ABHD18: variants seen among roughly 807,000 people sequenced by gnomAD.
The protein encoded by ABHD18 is cardiolipin-specific deacylase, mitochondrial.
A neutral mutation model predicts 65.9 loss-of-function variants in ABHD18; 55 were observed. The ratio of observed to expected loss-of-function variants is 0.84; its 90% CI spans 0.67 to 1.05. The LOEUF is 1.05. Among genes scored for constraint, ABHD18 ranks in the 50% least tolerant of loss-of-function variants. The pLI is 0.00. For synonymous variants in ABHD18, 181 were observed against 180.2 expected (o/e 1.00, Z -0.04); for missense variants, 533 against 558.5 (o/e 0.95, Z 0.46).
intron 3 of ABHD18, among the ~76,000 whole-genome samples, chr4:127,987,486 G>T (rs1297006915): frequency 1.3e-5 from 2 of 152,044 alleles, no homozygotes; most frequent in African/African-American, 4.8e-5. Flanking sequence ...GAGGAGCATG[G>T]ATCACTTGAG....
chr4:127,973,817 CAAAAAAAAAA>C (rs57170719), intron 1 of ABHD18, among the ~76,000 whole-genome samples: 19 of 16,610 alleles, frequency 1.1e-3, no homozygotes, highest in Admixed American at 1.5e-3. Context: ...TGATGAACAG[CAAAAAAAAAA>C]AAAAAAAAAA....
chr4:127,979,562 A>G (rs142805087), intron 1 of ABHD18, among the ~76,000 whole-genome samples: 5 of 152,134 alleles, frequency 3.3e-5, no homozygotes, highest in African/African-American at 1.2e-4. Context: ...CTCAAAACAA[A>G]ACAAAGAAAC....
chr4:127,996,993 A>G (rs2149101753), intron 4 of ABHD18, among the ~76,000 whole-genome samples: 1 of 152,340 alleles, frequency 6.6e-6, no homozygotes, highest in East Asian at 1.9e-4. Context: ...TTTGTACAAC[A>G]GTGGTCCTGA....
intron 1 of ABHD18, among the ~76,000 whole-genome samples, chr4:127,981,169 T>C (rs903648403): frequency 2.0e-5 from 3 of 152,194 alleles, no homozygotes; most frequent in Non-Finnish European, 4.4e-5. Context: ...GTGGTTTGAC[T>C]TACGATTGTT....
At chr4:128,000,956 A>G (rs1752544708) in intron 4 of ABHD18, among the ~76,000 whole-genome samples, 1 of 152,178 alleles carries the variant, frequency 6.6e-6, no homozygotes, top group Non-Finnish European at 1.5e-5. Context: ...ATTGGTGTAT[A>G]GAAATGTTAC....
At chr4:127,989,948 G>A in intron 4 of ABHD18, 127 bp downstream of exon 4, 1 of 553,650 alleles carries the variant, frequency 1.8e-6, no homozygotes, top group Admixed American at 3.5e-5. Context: ...GGCTGAATTA[G>A]AAGATATTTT....
chr4:128,008,793 G>C (rs1579335744), intron 4 of ABHD18, 127 bp from the exon 5 acceptor site: 2 of 618,282 alleles, frequency 3.2e-6, no homozygotes, highest in South Asian at 2.4e-5. Flanking sequence ...ATTACAATTT[G>C]AATGTTAAAA....
At chr4:128,023,121 A>C (rs1417507062) in intron 10 of ABHD18, among the ~76,000 whole-genome samples, 1 of 152,034 alleles carries the variant, frequency 6.6e-6, no homozygotes, top group Admixed American at 6.6e-5. Flanking sequence ...TGAGACTCTT[A>C]AGAAACTTCA....
At chr4:128,002,700 G>A (rs1220668980) in intron 4 of ABHD18, among the ~76,000 whole-genome samples, 3 of 152,114 alleles carry the variant, frequency 2.0e-5, no homozygotes, top group African/African-American at 7.2e-5. Context: ...CTGGAGTACA[G>A]TGGCGTGATC....
chr4:127,999,408 C>G (rs934559563), intron 4 of ABHD18, among the ~76,000 whole-genome samples: 2 of 152,118 alleles, frequency 1.3e-5, no homozygotes, highest in Non-Finnish European at 2.9e-5. Flanking sequence ...ATTTTTTACT[C>G]TATTTAAAAA....
intron 3 of ABHD18, among the ~76,000 whole-genome samples, chr4:127,984,696 A>T (rs1560839116): frequency 1.3e-5 from 2 of 151,712 alleles, no homozygotes; most frequent in South Asian, 2.1e-4. Flanking sequence ...GTCTCTGCTT[A>T]AAAAAAATAC....
intron 12 of ABHD18, among the ~76,000 whole-genome samples, chr4:128,035,551 G>A (rs149986012): frequency 5.3e-5 from 8 of 152,118 alleles, no homozygotes; most frequent in African/African-American, 1.7e-4. Flanking sequence ...CAGCCTGGGC[G>A]ACAGAGCGAG....
chr4:128,030,664 A>T lies in ABHD18; in HGVS notation c.1335A>T (p.Gly445=), dbSNP rs1013047599. Residue 445 remains glycine (G), a synonymous_variant, in exon 12 of 13, where the codon GGA becomes GGT. Coordinates refer to ENST00000645843, the MANE Select transcript of ABHD18 (RefSeq NM_001358451.3). The part of the protein sequence containing the change: ...GHISAYLFKQ[G]LFRQAIYDAF... ...TTAGTGCTTATCTTTTTAAACAAGGACTCTTCAGGTAAGACGGCTGGTCTA... is the reference window on the plus strand; with the variant it reads ...TTAGTGCTTATCTTTTTAAACAAGGTCTCTTCAGGTAAGACGGCTGGTCTA... 6.3e-7 allele frequency: 1 copy of T among 1,588,808 alleles called. No individual in the cohort carries two copies. Among genetic ancestry groups the T allele is most frequent in the South Asian group, 1.2e-5 (1 of 85,654 alleles).
At chr4:127,997,882 T>G (rs187730224) in intron 4 of ABHD18, among the ~76,000 whole-genome samples, 3 of 150,628 alleles carry the variant, frequency 2.0e-5, no homozygotes. Flanking sequence ...CTCCTCGTTT[T>G]TTTTTGTTTG....
At chr4:128,032,781 TTG>T (rs1440866164) in intron 12 of ABHD18, among the ~76,000 whole-genome samples, 1 of 152,126 alleles carries the variant, frequency 6.6e-6, no homozygotes, top group Non-Finnish European at 1.5e-5. Context: ...CTCTAATATT[TTG>T]TGTTATTTAG....
chr4:127,969,564 CA>C (rs780096133), intron 1 of ABHD18, among the ~76,000 whole-genome samples: 19 of 152,204 alleles, frequency 1.2e-4, no homozygotes, highest in South Asian at 6.2e-4. Flanking sequence ...TAGTACTTTA[CA>C]AAATATTTGA....
At chr4:128,024,420 T>A (rs1757025975) in intron 10 of ABHD18, among the ~76,000 whole-genome samples, 1 of 152,174 alleles carries the variant, frequency 6.6e-6, no homozygotes, top group Non-Finnish European at 1.5e-5. Flanking sequence ...GGGACATATT[T>A]AAACCATAGC....
rs533591712 is a variant in ABHD18, at chr4:128,024,514, A to C, written c.801+3276A>C. ...CAATAAATGTTAAGATGTTTTCCCT[A>C]CTCTTTGTATTTTCCCAGTCAAAAA... is the stretch of plus-strand genomic sequence containing the variant. On this transcript the variant is annotated intron_variant, in intron 10 of 12. Transcript: ENST00000645843. 6.6e-5 allele frequency among the ~76,000 whole-genome samples: 10 copies of C among 151,778 alleles called. No individual in the cohort carries two copies. The South Asian group carries it at 2.1e-3, about 32-fold the overall frequency.
chr4:128,001,009 GTTAT>G (rs1752552213), intron 4 of ABHD18, among the ~76,000 whole-genome samples: 1 of 152,138 alleles, frequency 6.6e-6, no homozygotes, highest in African/African-American at 2.4e-5. Context: ...CTTTGCTGAA[GTTAT>G]TTATTAGTTC....
Sources: gnomAD v4.1 joint callset for allele counts (sites outside exome capture counted in the v4.1 genomes callset) on GRCh38, gnomAD v4.1.1 for gene constraint, MANE v1.5 for transcripts, NCBI Gene and HGNC (gene_info 2026-07-23, HGNC 2026-07-21) for gene names.